Variants in NRP1 observed in about 807,000 individuals in gnomAD.
NRP1 encodes neuropilin 1.
Under a neutral mutation model 106.7 loss-of-function variants are expected in NRP1, and 35 were observed. That is an observed-to-expected ratio of 0.33 (90% CI 0.25 to 0.43). The LOEUF is 0.43. Ranked by LOEUF, NRP1 falls within the 20% of genes least tolerant of loss-of-function variation. The probability of loss-of-function intolerance (pLI) is 1.00; values close to 1 mark genes in which losing one functional copy is unlikely to be tolerated. For missense variants in NRP1, 1,024 were observed against 1,170.4 expected (o/e 0.87, Z 1.83); for synonymous variants, 437 against 417.9 (o/e 1.05, Z -0.56).
rs765941656 is a variant in NRP1 at position 33,263,876 on chromosome 10, A to G, written c.431-3T>C. The G allele has an allele frequency of 5.7e-6, 9 of 1,585,016 alleles. No homozygotes were observed. The East Asian group carries it at 8.9e-5, about 16-fold the overall frequency. On this transcript the variant is annotated splice_region_variant and splice_polypyrimidine_tract_variant and intron_variant, in intron 3 of 16. Transcript: ENST00000374867. ...GTAGTTCTGGGAACATTCAGGACCT[A>G]TGAGTAGAAGAGAAAAAGGAGTAAA... is the stretch of plus-strand genomic sequence containing the variant.
intron 12 of NRP1, among the ~76,000 whole-genome samples, chr10:33,194,203 C>T (rs189345985): frequency 6.6e-6 from 1 of 152,146 alleles, no homozygotes; most frequent in Non-Finnish European, 1.5e-5. Context: ...GATTGAGCAA[C>T]CTTGGATGCC....
chr10:33,334,029 A>G (rs2132998506), intron 1 of NRP1, among the ~76,000 whole-genome samples: 1 of 152,320 alleles, frequency 6.6e-6, no homozygotes, highest in South Asian at 2.1e-4. Flanking sequence ...GATAATTGGC[A>G]TGCTGATCTG....
intron 2 of NRP1, among the ~76,000 whole-genome samples, chr10:33,299,832 T>C (rs1665880369): frequency 2.0e-5 from 3 of 152,190 alleles, no homozygotes; most frequent in Non-Finnish European, 4.4e-5. Flanking sequence ...CTGATGACGA[T>C]GCTTGCTTGA....
intron 3 of NRP1, among the ~76,000 whole-genome samples, chr10:33,266,186 A>G (rs547454028): frequency 6.6e-6 from 1 of 152,334 alleles, no homozygotes; most frequent in East Asian, 1.9e-4. Flanking sequence ...AATGACAGGA[A>G]TTAAGGTCAT....
At chr10:33,214,389 T>A (rs992818923) in intron 8 of NRP1, among the ~76,000 whole-genome samples, 6 of 152,214 alleles carry the variant, frequency 3.9e-5, no homozygotes, top group Non-Finnish European at 8.8e-5. Context: ...CTGAACCCTG[T>A]CTTTTAATTG....
intron 2 of NRP1, among the ~76,000 whole-genome samples, chr10:33,316,499 G>A (rs533058727): frequency 2.3e-4 from 35 of 152,296 alleles, no homozygotes; most frequent in Non-Finnish European, 3.8e-4. Context: ...TGAGGCCAAC[G>A]CTCACGTCAG....
intron 2 of NRP1, among the ~76,000 whole-genome samples, chr10:33,275,035 G>C (rs754065186): frequency 5.9e-5 from 9 of 152,138 alleles, no homozygotes; most frequent in Non-Finnish European, 1.3e-4. Flanking sequence ...CAGAGTATTA[G>C]AAACAGGATT....
At chr10:33,307,913 C>T (rs1402774911) in intron 2 of NRP1, among the ~76,000 whole-genome samples, 2 of 152,090 alleles carry the variant, frequency 1.3e-5, no homozygotes, top group African/African-American at 4.8e-5. Context: ...GACACATGCA[C>T]ACATATGTTC....
intron 6 of NRP1, among the ~76,000 whole-genome samples, chr10:33,248,206 C>A (rs1054261825): frequency 6.6e-5 from 10 of 152,156 alleles, no homozygotes; most frequent in Non-Finnish European, 1.5e-5. Context: ...AGGAGAATCG[C>A]TTGAACCCAG....
Position 33,254,013 on chromosome 10 carries a change from T to A in NRP1, c.981+15A>T, listed in dbSNP as rs1344892534. 6.3e-7 allele frequency: 1 copy of A among 1,595,394 alleles called. No individual in the cohort carries two copies. Among genetic ancestry groups the A allele is most frequent in the Non-Finnish European group, 8.5e-7 (1 of 1,174,268 alleles). ...CTTATTCAATCCTAGATAGGCTTGA[T>A]CTTATGCTGCATACCTGTATCCACT... On this transcript the variant is annotated intron_variant, in intron 6 of 16. Transcript: ENST00000374867.
intron 2 of NRP1, among the ~76,000 whole-genome samples, chr10:33,293,128 T>A (rs1845122629): frequency 6.6e-6 from 1 of 152,250 alleles, no homozygotes; most frequent in African/African-American, 2.4e-5. Context: ...TCATGAATAC[T>A]AAAATAATAA....
chr10:33,227,635 C>T (rs971700238), intron 6 of NRP1, among the ~76,000 whole-genome samples: 1 of 152,124 alleles, frequency 6.6e-6, no homozygotes, highest in Non-Finnish European at 1.5e-5. Flanking sequence ...CTCCTCAACA[C>T]GACAGCCTTG....
At chr10:33,280,089 G>T (rs1844004676) in intron 2 of NRP1, among the ~76,000 whole-genome samples, 1 of 152,138 alleles carries the variant, frequency 6.6e-6, no homozygotes, top group Non-Finnish European at 1.5e-5. Flanking sequence ...AAGAATTCAA[G>T]ACATATGGTG....
intron 2 of NRP1, among the ~76,000 whole-genome samples, chr10:33,329,012 TG>T (rs1256276970): frequency 2.0e-5 from 3 of 152,176 alleles, no homozygotes; most frequent in Non-Finnish European, 4.4e-5. Flanking sequence ...AGTTTAAACA[TG>T]GTCAAAAAGC....
At chr10:33,309,950 C>CTTTTT (rs35907466) in intron 2 of NRP1, among the ~76,000 whole-genome samples, 2 of 139,550 alleles carry the variant, frequency 1.4e-5, no homozygotes, top group South Asian at 2.3e-4. Flanking sequence ...CTGTATTTGC[C>CTTTTT]TTTTTTTTTT....
At chr10:33,229,225 C>T (rs1839914301) in intron 6 of NRP1, among the ~76,000 whole-genome samples, 1 of 152,120 alleles carries the variant, frequency 6.6e-6, no homozygotes, top group South Asian at 2.1e-4. Flanking sequence ...TATCTGACAA[C>T]CCTAAATCTC....
chr10:33,219,150 T>C (rs1214511326), intron 8 of NRP1, among the ~76,000 whole-genome samples: 2 of 152,202 alleles, frequency 1.3e-5, no homozygotes, highest in Non-Finnish European at 2.9e-5. Context: ...CCATGTACTA[T>C]TTTAGTCTAA....
chr10:33,275,875 A>C lies in NRP1; in HGVS notation c.249-5019T>G, dbSNP rs368144579. On this transcript the variant is annotated intron_variant, in intron 2 of 16. Coordinates refer to ENST00000374867, the MANE Select transcript of NRP1 (RefSeq NM_003873.7). Reference sequence around the variant, plus strand: ...CAGTGAGCTGTGATTGTGTTACTGCACTCCAGCCTGGTCAACAGGGCAAGA... The same window carrying C: ...CAGTGAGCTGTGATTGTGTTACTGCCCTCCAGCCTGGTCAACAGGGCAAGA... Among the ~76,000 whole-genome samples the C allele has an allele frequency of 5.9e-4, 89 of 152,112 alleles. 2 individuals carry two copies. The East Asian group carries it at 0.01, about 18-fold the overall frequency.
At chr10:33,272,363 C>T (rs2133308713) in intron 2 of NRP1, among the ~76,000 whole-genome samples, 1 of 152,294 alleles carries the variant, frequency 6.6e-6, no homozygotes, top group Admixed American at 6.5e-5. Flanking sequence ...TATGATGCTT[C>T]CAGTAGTAGA....
Sources: allele counts gnomAD v4.1 joint callset (sites outside exome capture counted in the v4.1 genomes callset), GRCh38; gene constraint gnomAD v4.1.1; transcripts MANE v1.5; gene names NCBI Gene and HGNC (gene_info 2026-07-23, HGNC 2026-07-21).